The following INO80D variants were observed in gnomAD, a reference collection of about 807,000 sequenced individuals.
INO80D encodes the protein INO80 complex subunit D.
A neutral mutation model predicts 87.6 loss-of-function variants in INO80D; 21 were observed. The ratio of observed to expected loss-of-function variants is 0.24; its 90% CI spans 0.17 to 0.35. INO80D has a LOEUF of 0.35. Ranked by LOEUF, INO80D falls within the 10% of genes least tolerant of loss-of-function variation. The pLI, the probability that INO80D is intolerant of heterozygous loss-of-function variation, is 1.00. For missense variants in INO80D, 982 were observed against 1,280.7 expected (o/e 0.77, Z 3.56); for synonymous variants, 440 against 491.0 (o/e 0.90, Z 1.37).
intron 1 of INO80D, among the ~76,000 whole-genome samples, chr2:206,081,190 C>T (rs1204714236): frequency 6.6e-6 from 1 of 152,136 alleles, no homozygotes; most frequent in Non-Finnish European, 1.5e-5. Flanking sequence ...TGCTCCAGAG[C>T]CCAAGCTTTT....
intron 1 of INO80D, among the ~76,000 whole-genome samples, chr2:206,067,057 G>A (rs1689836314): frequency 6.6e-6 from 1 of 150,588 alleles, no homozygotes. Context: ...AGACCAGCCT[G>A]GCCAACATGG....
rs548032705 is a variant in INO80D, at chr2:206,007,024, C to T, written c.1918+260G>A. Among the ~76,000 whole-genome samples, 24 of 152,274 alleles carry T rather than the reference C, an allele frequency of 1.6e-4. No homozygotes were observed. In the South Asian group the frequency reaches 3.7e-3, roughly 24 times the overall value. On this transcript the variant is annotated intron_variant, in intron 10 of 10. Coordinates refer to ENST00000403263, the MANE Select transcript of INO80D (RefSeq NM_017759.5). ...TCGTGCCACTGCACTCCAGCCTGGG[C>T]GACAGAGTGAGACTCTGTCTCCAAA...
In INO80D at chr2:206,001,089, T is replaced by C. The variant is rs1687901912; in HGVS notation, c.*3279A>G. ...GGTTAAGTATAATTGCTACTTACTATTGAGTTGTTTACTAGCTACATAACC... is the reference window on the plus strand; with the variant it reads ...GGTTAAGTATAATTGCTACTTACTACTGAGTTGTTTACTAGCTACATAACC... On this transcript the variant is annotated 3_prime_UTR_variant, in exon 11 of 11. Coordinates refer to ENST00000403263, the MANE Select transcript of INO80D (RefSeq NM_017759.5). The C allele has an allele frequency of 2.6e-5, 4 of 152,246 alleles. No individual in the cohort carries two copies. In the South Asian group the frequency reaches 6.2e-4, roughly 24 times the overall value. 9.4% of individuals were successfully genotyped at this position (152,246 alleles called of 1,614,324 possible).
At chr2:206,005,868 C>G (rs1688010080) in intron 10 of INO80D, among the ~76,000 whole-genome samples, 1 of 152,054 alleles carries the variant, frequency 6.6e-6, no homozygotes, top group Non-Finnish European at 1.5e-5. Context: ...TGTTTTTAAC[C>G]TAAAATAATA....
rs1383513075 is a variant in INO80D, at chr2:205,998,830, T to G, written c.*5538A>C. On this transcript the variant is annotated 3_prime_UTR_variant, in exon 11 of 11. Coordinates refer to ENST00000403263, the MANE Select transcript of INO80D (RefSeq NM_017759.5). The stretch of plus-strand genomic sequence containing the variant: ...TTTAGTTTCTTTTAAAACTATTTTC[T>G]TATTTTAAAAACTGCCCTAATTTCC... 2 of 152,216 alleles carry G rather than the reference T, an allele frequency of 1.3e-5. No homozygotes were observed. The highest frequency in any genetic ancestry group is 4.8e-5 in the African/African-American group (2 of 41,450). 9.4% of individuals were successfully genotyped at this position (152,216 alleles called of 1,614,324 possible).
At chr2:206,058,433 A>C (rs1384607057) in intron 3 of INO80D, among the ~76,000 whole-genome samples, 1 of 67,992 alleles carries the variant, frequency 1.5e-5, no homozygotes. Context: ...AAAAAAAAAA[A>C]AAAAAAAAAC....
At chr2:206,084,925 G>A (rs1690394446) in intron 1 of INO80D, among the ~76,000 whole-genome samples, 1 of 152,148 alleles carries the variant, frequency 6.6e-6, no homozygotes, top group South Asian at 2.1e-4. Flanking sequence ...TTTCCAAACC[G>A]GAAGAGAAGG....
intron 1 of INO80D, among the ~76,000 whole-genome samples, chr2:206,077,729 C>T (rs1350535455): frequency 6.6e-6 from 1 of 152,146 alleles, no homozygotes; most frequent in Non-Finnish European, 1.5e-5. Context: ...AGCTCTACTC[C>T]TCAAAGTTCT....
chr2:206,020,637 T>A (rs1688438208), intron 6 of INO80D, among the ~76,000 whole-genome samples: 1 of 152,178 alleles, frequency 6.6e-6, no homozygotes, highest in South Asian at 2.1e-4. Flanking sequence ...GTACACTTAA[T>A]GTTTAAATAT....
chr2:206,007,485 T>A, intron 9 of INO80D, 44 bp from the exon 10 acceptor site: 1 of 1,562,774 alleles, frequency 6.4e-7, no homozygotes, highest in South Asian at 1.2e-5. Flanking sequence ...CCCCATTATC[T>A]TCACATCAAT....
chr2:206,024,907 C>T (rs1044647666), intron 6 of INO80D, among the ~76,000 whole-genome samples: 1 of 151,972 alleles, frequency 6.6e-6, no homozygotes. Context: ...AGGTGCCCAC[C>T]ACCACACCCA....
Position 206,085,423 on chromosome 2 carries a change from G to A in INO80D, c.-124+478C>T. ...TGACGCCCCTGTCCCGGCAGCCCGG[G>A]CCTGCCGCCCCGCGGGAAAGCCTCC... On this transcript the variant is annotated intron_variant, in intron 1 of 10. Transcript: ENST00000403263. The surrounding 1 kb of genome is among the most constrained non-coding windows in gnomAD (Gnocchi z 4.5). 1 of 152,018 alleles carries A rather than the reference G, an allele frequency of 6.6e-6. No homozygotes were observed. The highest frequency in any genetic ancestry group is 6.5e-5 in the Admixed American group (1 of 15,282). 9.4% of individuals were successfully genotyped at this position (152,018 alleles called of 1,614,324 possible).
intron 4 of INO80D, among the ~76,000 whole-genome samples, chr2:206,047,662 C>T (rs1320350635): frequency 7.1e-6 from 1 of 140,558 alleles, no homozygotes; most frequent in Non-Finnish European, 1.6e-5. Flanking sequence ...ATGAAAACAA[C>T]AAAAAAAAAA....
intron 1 of INO80D, among the ~76,000 whole-genome samples, chr2:206,077,426 A>C (rs1343441383): frequency 1.3e-5 from 2 of 152,184 alleles, no homozygotes; most frequent in African/African-American, 4.8e-5. Context: ...TAGGACTAAA[A>C]TACATTCTCC....
chr2:206,039,215 T>G (rs559865753), intron 5 of INO80D, among the ~76,000 whole-genome samples: 1 of 151,836 alleles, frequency 6.6e-6, no homozygotes, highest in South Asian at 2.1e-4. Context: ...CTGACCAACA[T>G]GGAAAAACCC....
chr2:206,022,244 G>A (rs1201164900), intron 6 of INO80D, among the ~76,000 whole-genome samples: 2 of 151,932 alleles, frequency 1.3e-5, no homozygotes, highest in Admixed American at 6.6e-5. Context: ...GCGGGCACCT[G>A]TAATCCCAGC....
intron 4 of INO80D, 83 bp from the exon 5 acceptor site, chr2:206,046,695 T>C: frequency 1.2e-6 from 1 of 804,632 alleles, no homozygotes; most frequent in Non-Finnish European, 2.1e-6. Context: ...CAAAATAACA[T>C]AACCCAACAT....
At chr2:206,025,542 A>AAAAAATATATAT (rs71301548) in intron 6 of INO80D, 8 of 76,940 alleles carry the variant, frequency 1.0e-4, no homozygotes, top group South Asian at 1.3e-3. Flanking sequence ...AAAAAAAAAA[A>AAAAAATATATAT]ATATATATAT....
chr2:206,040,576 C>T, intron 5 of INO80D: 1 of 262,900 alleles, frequency 3.8e-6, no homozygotes. Context: ...TGGAATTGAT[C>T]GCTATCCCTG....
Sources: allele counts gnomAD v4.1 joint callset (sites outside exome capture counted in the v4.1 genomes callset), GRCh38; gene constraint gnomAD v4.1.1; non-coding constraint Gnocchi (gnomAD v3.1); transcripts MANE v1.5; gene names NCBI Gene and HGNC (gene_info 2026-07-23, HGNC 2026-07-21).